The following MALRD1 variants were observed in gnomAD, a reference collection of about 807,000 sequenced individuals.
MALRD1 encodes the protein MAM and LDL receptor class A domain containing 1, also known as MAM and LDL-receptor class A domain-containing protein 1.
MALRD1 carries 247 observed loss-of-function variants against 242.1 expected under a neutral mutation model. The ratio of observed to expected loss-of-function variants is 1.02; its 90% confidence interval spans 0.92 to 1.13. The LOEUF (loss-of-function observed/expected upper bound fraction) is 1.13, where lower values mean the gene tolerates loss of function less well. Among genes scored for constraint, MALRD1 ranks in the 50% most tolerant of loss-of-function variants. The pLI is 0.00. For missense variants in MALRD1, 2,989 were observed against 2,533.1 expected (o/e 1.18, Z -3.86); for synonymous variants, 995 against 866.6 (o/e 1.15, Z -2.60).
intron 32 of MALRD1, among the ~76,000 whole-genome samples, chr10:19,551,619 G>T (rs1835472887): frequency 6.6e-6 from 1 of 152,100 alleles, no homozygotes; most frequent in Non-Finnish European, 1.5e-5. Flanking sequence ...CAATTGCCCT[G>T]GCCTGGACTT....
chr10:19,099,882 C>G (rs1355193480), intron 4 of MALRD1, among the ~76,000 whole-genome samples: 2 of 151,846 alleles, frequency 1.3e-5, no homozygotes, highest in East Asian at 1.9e-4. Flanking sequence ...CCTGCCTCAG[C>G]CTCCCGAGGC....
chr10:19,567,770 G>C (rs1010301852), intron 33 of MALRD1, 67 bp downstream of exon 33: 7 of 1,346,010 alleles, frequency 5.2e-6, no homozygotes, highest in Non-Finnish European at 6.2e-6. Context: ...CTAAAGATTT[G>C]GGAATTTCTG....
intron 36 of MALRD1, among the ~76,000 whole-genome samples, chr10:19,629,694 C>G (rs898089811): frequency 7.2e-5 from 11 of 152,120 alleles, no homozygotes; most frequent in African/African-American, 2.7e-4. Context: ...AGAGACACAG[C>G]TCAGTGGTGG....
chr10:19,710,404 T>A (rs901878638), intron 38 of MALRD1: 4 of 152,238 alleles, frequency 2.6e-5, no homozygotes, highest in African/African-American at 9.6e-5. Flanking sequence ...ATGATTTCCT[T>A]TTGTAACTAA....
At chr10:19,346,357 C>G (rs982400909) in intron 24 of MALRD1, among the ~76,000 whole-genome samples, 1 of 152,114 alleles carries the variant, frequency 6.6e-6, no homozygotes, top group Non-Finnish European at 1.5e-5. Flanking sequence ...CATTGGAGAG[C>G]AAATCCCTGA....
chr10:19,383,806 T>C (rs1588997503), intron 26 of MALRD1, among the ~76,000 whole-genome samples: 1 of 151,862 alleles, frequency 6.6e-6, no homozygotes, highest in African/African-American at 2.4e-5. Context: ...AAATAGATAC[T>C]AGATGCTAAG....
intron 30 of MALRD1, among the ~76,000 whole-genome samples, chr10:19,493,700 G>A (rs1401680904): frequency 6.6e-6 from 1 of 151,368 alleles, no homozygotes; most frequent in African/African-American, 2.4e-5. Context: ...TGTAATCCCA[G>A]CCACTTGGGA....
intron 19 of MALRD1, among the ~76,000 whole-genome samples, chr10:19,269,798 G>A (rs951854610): frequency 6.6e-6 from 1 of 152,176 alleles, no homozygotes; most frequent in Non-Finnish European, 1.5e-5. Context: ...AGGAAGTAAT[G>A]AGAATAGGAC....
At chr10:19,518,154 G>A (rs1450344496) in intron 31 of MALRD1, among the ~76,000 whole-genome samples, 1 of 152,132 alleles carries the variant, frequency 6.6e-6, no homozygotes, top group Non-Finnish European at 1.5e-5. Context: ...CTTATGATTA[G>A]CTGAAGCTCT....
chr10:19,562,771 C>T (rs564514009), intron 32 of MALRD1, among the ~76,000 whole-genome samples: 18 of 152,202 alleles, frequency 1.2e-4, no homozygotes, highest in Admixed American at 5.2e-4. Flanking sequence ...AGATTGGTGG[C>T]AGTGGCGTTA....
intron 29 of MALRD1, among the ~76,000 whole-genome samples, chr10:19,455,160 G>A (rs2131065820): frequency 6.6e-6 from 1 of 152,216 alleles, no homozygotes; most frequent in Middle Eastern, 3.4e-3. Context: ...TTTTATTCAA[G>A]TTGGTTTAAA....
At chr10:19,165,929 A>G in intron 13 of MALRD1, 119 bp downstream of exon 13, 1 of 674,416 alleles carries the variant, frequency 1.5e-6, no homozygotes, top group Non-Finnish European at 2.1e-6. Flanking sequence ...TATGAAATTA[A>G]TACAATGCAA....
intron 34 of MALRD1, among the ~76,000 whole-genome samples, chr10:19,596,981 G>A (rs2131563390): frequency 6.6e-6 from 1 of 152,206 alleles, no homozygotes; most frequent in African/African-American, 2.4e-5. Context: ...ACAATTGGAA[G>A]AAGAGTAAAG....
chr10:19,687,910 AATGTTATGTTATGTTATGTT>A (rs55753738), intron 36 of MALRD1, among the ~76,000 whole-genome samples: 18,710 of 137,290 alleles, frequency 0.14, 1,371 homozygotes, highest in Admixed American at 0.15. Context: ...TTATTTTTTT[AATGTTATGTTATGTTATGTT>A]ATGTTATGTT....
At chr10:19,194,241 A>G (rs1836129894) in intron 14 of MALRD1, among the ~76,000 whole-genome samples, 1 of 152,320 alleles carries the variant, frequency 6.6e-6, no homozygotes, top group African/African-American at 2.4e-5. Context: ...AAACATAAAC[A>G]TAAAGAAAAT....
At chr10:19,733,715 A>C (rs1187624047) in intron 39 of MALRD1, among the ~76,000 whole-genome samples, 1 of 147,766 alleles carries the variant, frequency 6.8e-6, no homozygotes, top group Non-Finnish European at 1.5e-5. Flanking sequence ...TATATTATAT[A>C]TATATATAAT....
At chr10:19,303,277 A>G (rs1194025889) in intron 21 of MALRD1, among the ~76,000 whole-genome samples, 2 of 151,738 alleles carry the variant, frequency 1.3e-5, no homozygotes, top group Admixed American at 1.3e-4. Context: ...TTAGGTCAAA[A>G]TTACTACAGA....
At chr10:19,692,653 G>C in intron 38 of MALRD1, 99 bp downstream of exon 38, 1 of 890,678 alleles carries the variant, frequency 1.1e-6, no homozygotes, top group Non-Finnish European at 1.7e-6. Flanking sequence ...CATATTACAT[G>C]CAGGAAACTT....
intron 36 of MALRD1, among the ~76,000 whole-genome samples, chr10:19,633,439 C>T (rs1839995688): frequency 6.6e-6 from 1 of 152,136 alleles, no homozygotes; most frequent in African/African-American, 2.4e-5. Context: ...TTTGCTGTGG[C>T]TGTTGGCCCA....
Sources: gnomAD v4.1 joint callset for allele counts (sites outside exome capture counted in the v4.1 genomes callset) on GRCh38, gnomAD v4.1.1 for gene constraint, MANE v1.5 for transcripts, NCBI Gene and HGNC (gene_info 2026-07-23, HGNC 2026-07-21) for gene names.